Variants in PRDM11 observed in about 807,000 individuals in gnomAD.
PRDM11 encodes PR/SET domain 11.
A neutral mutation model predicts 97.8 loss-of-function variants in PRDM11; 20 were observed. That is an observed-to-expected ratio of 0.20 (90% CI 0.14 to 0.30). PRDM11 has a LOEUF of 0.30. Among genes scored for constraint, PRDM11 ranks in the 10% least tolerant of loss-of-function variants. The pLI is 1.00. For synonymous variants in PRDM11, 599 were observed against 637.7 expected (o/e 0.94, Z 0.91); for missense variants, 1,139 against 1,555.2 (o/e 0.73, Z 4.50).
chr11:45,111,748 G>A (rs192925166), intron 1 of PRDM11, among the ~76,000 whole-genome samples: 1 of 152,146 alleles, frequency 6.6e-6, no homozygotes, highest in Non-Finnish European at 1.5e-5. Context: ...TGCTTCCATC[G>A]CGGAACACAA....
Position 45,226,482 on chromosome 11 carries a change from T to C in PRDM11, c.1857T>C (p.Cys619=). ...CCCTGGCGGAGCTGCTGAGGAAGTG[T>C]GAGCTCAAGGTGGTGGACCAGTACA... ...FRPLAELLRK[C]ELKVVDQYMN... is the part of the protein sequence containing the mutation. Residue 619 remains cysteine, a synonymous_variant, in exon 8 of 8, where the codon TGT becomes TGC. Coordinates refer to ENST00000683152, the MANE Select transcript of PRDM11 (RefSeq NM_001384648.1). 6.5e-7 allele frequency: 1 copy of C among 1,533,856 alleles called. No homozygotes were observed. Among genetic ancestry groups the C allele is most frequent in the Non-Finnish European group, 8.7e-7 (1 of 1,146,710 alleles).
At chr11:45,200,241 C>T (rs1410469709) in intron 4 of PRDM11, among the ~76,000 whole-genome samples, 4 of 152,210 alleles carry the variant, frequency 2.6e-5, no homozygotes, top group African/African-American at 7.2e-5. Flanking sequence ...TGGTCTCAGG[C>T]GGTTCCTATG....
chr11:45,209,079 G>T, intron 5 of PRDM11: 2 of 456,726 alleles, frequency 4.4e-6, no homozygotes, highest in Non-Finnish European at 8.8e-6. Context: ...CTCCGTCAAG[G>T]ACATTAAGCA....
intron 1 of PRDM11, among the ~76,000 whole-genome samples, chr11:45,150,296 C>T (rs544285485): frequency 4.5e-4 from 69 of 152,334 alleles, no homozygotes; most frequent in African/African-American, 1.6e-3. Flanking sequence ...GGCCCACCTA[C>T]CTCTCCTTTG....
chr11:45,158,887 T>TTGTCCG (rs1294573711), intron 1 of PRDM11, among the ~76,000 whole-genome samples: 1 of 152,142 alleles, frequency 6.6e-6, no homozygotes, highest in Non-Finnish European at 1.5e-5. Flanking sequence ...TCCTCCAAGG[T>TTGTCCG]TGTCCGTGTC....
upstream of PRDM11, among the ~76,000 whole-genome samples, chr11:45,145,433 A>T (rs1311379597): frequency 6.6e-6 from 1 of 151,992 alleles, no homozygotes; most frequent in Non-Finnish European, 1.5e-5. Context: ...CTGACCATGA[A>T]CGCCCATCTG....
intron 5 of PRDM11, 118 bp downstream of exon 5, chr11:45,204,896 C>G: frequency 8.9e-7 from 1 of 1,127,840 alleles, no homozygotes; most frequent in South Asian, 1.3e-5. Flanking sequence ...CTGCCGTTTG[C>G]AGGGTTTGGA....
chr11:45,126,022 T>G (rs12271873), intron 1 of PRDM11, among the ~76,000 whole-genome samples: 19,816 of 152,190 alleles, frequency 0.13, 1,472 homozygotes, highest in Middle Eastern at 0.22. Flanking sequence ...ATCTGGGTGC[T>G]CCTGTATTGG....
intron 1 of PRDM11, among the ~76,000 whole-genome samples, chr11:45,167,744 C>T (rs1429001150): frequency 6.8e-6 from 1 of 146,568 alleles, no homozygotes; most frequent in African/African-American, 2.6e-5. Flanking sequence ...GGAGGACTGC[C>T]TCTCTCATTT....
chr11:45,159,691 C>T (rs777206400), intron 1 of PRDM11, among the ~76,000 whole-genome samples: 24 of 152,226 alleles, frequency 1.6e-4, no homozygotes, highest in African/African-American at 4.8e-4. Context: ...TGTTTGGGGT[C>T]GGGGCTTATG....
chr11:45,123,822 A>G (rs1852500502), intron 1 of PRDM11, among the ~76,000 whole-genome samples: 1 of 152,092 alleles, frequency 6.6e-6, no homozygotes, highest in Middle Eastern at 3.4e-3. Flanking sequence ...TGACTTGGCG[A>G]TGCAGGCTCT....
intron 4 of PRDM11, among the ~76,000 whole-genome samples, chr11:45,204,174 G>C (rs1407937332): frequency 6.6e-6 from 1 of 152,208 alleles, no homozygotes; most frequent in Admixed American, 6.5e-5. Context: ...TCTGATTAAA[G>C]AGTGATGATG....
At chr11:45,097,458 C>T (rs1018940184) in intron 1 of PRDM11, among the ~76,000 whole-genome samples, 1 of 152,202 alleles carries the variant, frequency 6.6e-6, no homozygotes, top group East Asian at 1.9e-4. Context: ...TCACCACAAT[C>T]CTGTGGGAAA....
intron 1 of PRDM11, among the ~76,000 whole-genome samples, chr11:45,168,585 G>A (rs1165659214): frequency 6.6e-6 from 1 of 152,116 alleles, no homozygotes; most frequent in Admixed American, 6.5e-5. Context: ...CTTGGGTCAG[G>A]GCATCTCTGG....
At chr11:45,191,828 C>CTAT (rs970933139) in intron 4 of PRDM11, among the ~76,000 whole-genome samples, 3 of 85,434 alleles carry the variant, frequency 3.5e-5, no homozygotes, top group African/African-American at 1.0e-4. Context: ...ATTATTATTA[C>CTAT]TATTATTATT....
chr11:45,124,763 G>A (rs1215979651), intron 1 of PRDM11, among the ~76,000 whole-genome samples: 1 of 152,122 alleles, frequency 6.6e-6, no homozygotes. Context: ...GAGGATTTTT[G>A]CATCAATGTT....
intron 5 of PRDM11, chr11:45,212,929 C>G (rs1320468820): frequency 4.9e-6 from 2 of 406,602 alleles, no homozygotes; most frequent in Admixed American, 5.2e-5. Flanking sequence ...ACCCTACGGG[C>G]TCCACTCCCC....
chr11:45,168,590 C>A (rs774063675), intron 1 of PRDM11, among the ~76,000 whole-genome samples: 2 of 152,198 alleles, frequency 1.3e-5, no homozygotes, highest in Non-Finnish European at 2.9e-5. Context: ...GTCAGGGCAT[C>A]TCTGGGCATC....
chr11:45,097,634 T>C (rs538695797), intron 1 of PRDM11, among the ~76,000 whole-genome samples: 1 of 152,340 alleles, frequency 6.6e-6, no homozygotes, highest in South Asian at 2.1e-4. Context: ...TTCACTACCA[T>C]TTTTTCTGGC....
Sources: allele counts gnomAD v4.1 joint callset (sites outside exome capture counted in the v4.1 genomes callset), GRCh38; gene constraint gnomAD v4.1.1; transcripts MANE v1.5; gene names NCBI Gene and HGNC (gene_info 2026-07-23, HGNC 2026-07-21).